The following CNOT3 variants were observed in gnomAD, a reference collection of about 807,000 sequenced individuals.
CNOT3 encodes the protein CCR4-NOT transcription complex subunit 3, also known as CCR4-associated factor 3.
A neutral mutation model predicts 89.4 loss-of-function variants in CNOT3; 2 were observed. The ratio of observed to expected loss-of-function variants is 0.02; its 90% CI spans 0.01 to 0.07. The LOEUF is 0.07. Among genes scored for constraint, CNOT3 ranks in the 10% least tolerant of loss-of-function variants. The pLI is 1.00. For synonymous variants in CNOT3, 486 were observed against 402.0 expected (o/e 1.21, Z -2.50); for missense variants, 664 against 1,010.2 (o/e 0.66, Z 4.65).
chr19:54,152,718 G>A lies in CNOT3; in HGVS notation c.1904+92G>A, dbSNP rs1175196450. 3 of 1,170,794 alleles carry A rather than the reference G, an allele frequency of 2.6e-6. No homozygotes were observed. In the East Asian group the frequency reaches 7.1e-5, roughly 28 times the overall value. 72.5% of individuals were successfully genotyped at this position (1,170,794 alleles called of 1,614,324 possible). On this transcript the variant is annotated intron_variant, in intron 15 of 17. Transcript: ENST00000221232. ...CTGTGAGGCTGTGGGTAGAGCACCA[G>A]GCCCCTGACTTGGGCTCTCCACTGA...
At chr19:54,153,866 C>T (rs200590410) in intron 17 of CNOT3, 26 bp downstream of exon 17, 216 of 1,614,084 alleles carry the variant, frequency 1.3e-4, no homozygotes, top group African/African-American at 1.7e-4. Flanking sequence ...CCTCTCTTCC[C>T]GCTGCTAGGG....
At chr19:54,147,407 G>A (rs909105963) in intron 10 of CNOT3, among the ~76,000 whole-genome samples, 1 of 152,206 alleles carries the variant, frequency 6.6e-6, no homozygotes, top group African/African-American at 2.4e-5. Flanking sequence ...GGGCCAGGAG[G>A]TGATGAGGAG....
At chr19:54,153,662 C>T (rs1326937737) in intron 16 of CNOT3, 53 bp from the exon 17 acceptor site, 4 of 1,438,598 alleles carry the variant, frequency 2.8e-6, no homozygotes, top group African/African-American at 1.4e-5. Context: ...TCCCCTGGCT[C>T]CCCACCCAGT....
Position 54,148,023 on chromosome 19 carries a change from G to T in CNOT3, c.895-125G>T. 1 of 643,952 alleles carries T rather than the reference G, an allele frequency of 1.6e-6. No homozygotes were observed. Among genetic ancestry groups the T allele is most frequent in the South Asian group, 3.0e-5 (1 of 33,868 alleles). 39.9% of individuals were successfully genotyped at this position (643,952 alleles called of 1,614,324 possible). The stretch of plus-strand genomic sequence containing the variant: ...GTCACCCAGGTCCCCAAGAGGGCAG[G>T]AGCAGGTGGGGGCAGCGAGGCCAGA... On this transcript the variant is annotated intron_variant, in intron 10 of 17. Transcript: ENST00000221232. The surrounding 1 kb of genome is among the most constrained non-coding windows in gnomAD (Gnocchi z 6.3).
At chr19:54,141,745 G>A (rs2074457982) in intron 1 of CNOT3, 1 of 152,172 alleles carries the variant, frequency 6.6e-6, no homozygotes, top group South Asian at 2.1e-4. Flanking sequence ...CTACTCCAGG[G>A]TTCCCTGCCC....
At chr19:54,142,131 C>T (rs1456540317) in intron 1 of CNOT3, 1 of 152,214 alleles carries the variant, frequency 6.6e-6, no homozygotes, top group Non-Finnish European at 1.5e-5. Context: ...TCCCTCACAG[C>T]TGCGGTACCT....
At chr19:54,149,050 C>CGCCTG (rs1454987568) in intron 12 of CNOT3, among the ~76,000 whole-genome samples, 2 of 152,230 alleles carry the variant, frequency 1.3e-5, no homozygotes, top group African/African-American at 4.8e-5. Flanking sequence ...AATTGACTGC[C>CGCCTG]ACCGGAGGGT....
At position 54,143,287 on chromosome 19, in the gene CNOT3, T is replaced by G. The variant is rs1235754269; in HGVS notation, c.93+101T>G. ...GTTGACCAGCGGGAGGGGCTACATA[T>G]GCAGATGCTGAGGACCTAAGAGAAT... is the stretch of plus-strand genomic sequence containing the variant. On this transcript the variant is annotated intron_variant, in intron 3 of 17. Transcript: ENST00000221232. The G allele has an allele frequency of 8.0e-6, 9 of 1,119,822 alleles. No homozygotes were observed. The Admixed American group carries it at 1.6e-4, about 20-fold the overall frequency. The allele number at this position is 1,119,822 out of a possible 1,614,324, so 69.4% of individuals were successfully genotyped here. A position where few individuals can be genotyped will look rare whatever the true frequency, so the allele number is the denominator to read the frequency against.
rs912937811 is a variant in CNOT3 at position 54,144,848 on chromosome 19, C to T, written c.483+516C>T. Reference sequence around the variant, plus strand: ...TGTGGGGTATGAGTTCAAAGGGATACAAACTGTACAGACTTGCTGAAACCA... The same window carrying T: ...TGTGGGGTATGAGTTCAAAGGGATATAAACTGTACAGACTTGCTGAAACCA... On this transcript the variant is annotated intron_variant, in intron 7 of 17. Transcript: ENST00000221232. This position sits in a 1 kb window ranked among gnomAD's most constrained non-coding sequence, Gnocchi z 4.8. Among the ~76,000 whole-genome samples the T allele has an allele frequency of 1.6e-4, 25 of 152,174 alleles. No homozygotes were observed. Among genetic ancestry groups the T allele is most frequent in the Non-Finnish European group, 8.8e-5 (6 of 68,008 alleles).
rs2075202091 is a variant in CNOT3 at position 54,152,875 on chromosome 19, T to A, written c.1913T>A (p.Leu638His). Residue 638 changes from leucine (L) to histidine (H), a missense_variant, in exon 16 of 18, where the codon CTC becomes CAC. By Grantham distance (99) the Leu-to-His change is moderately conservative. Around this residue, in one of 8 missense-constraint regions of CNOT3, gnomAD observed 545 missense variants for 566.2 expected, o/e 0.96. Transcript: ENST00000221232. ...PSDSERIRQY[L>H]PRNPCPTPPY... ...TCCTGTTGCTCTCACAGGCAGTACC[T>A]CCCCCGGAACCCCTGTCCGACGCCC... is the stretch of plus-strand genomic sequence containing the variant. 7.0e-7 allele frequency: 1 copy of A among 1,428,820 alleles called. No homozygotes were observed. The allele number at this position is 1,428,820 out of a possible 1,614,324, so 88.5% of individuals were successfully genotyped here. A position where few individuals can be genotyped will look rare whatever the true frequency, so the allele number is the denominator to read the frequency against.
At chr19:54,149,833 C>G in intron 13 of CNOT3, 75 bp downstream of exon 13, 1 of 1,390,414 alleles carries the variant, frequency 7.2e-7, no homozygotes, top group African/African-American at 1.6e-5. Context: ...TCTAGCTGCA[C>G]CCCTTGCCCC....
In CNOT3 at chr19:54,146,128, A is replaced by G. The variant is rs1232151138; in HGVS notation, c.837+85A>G. Reference sequence around the variant, plus strand: ...AAATCTGGGTCACTCCAAAGTGGCTATGGGAGCGTAATTGAGGAAACACAG... The same window carrying G: ...AAATCTGGGTCACTCCAAAGTGGCTGTGGGAGCGTAATTGAGGAAACACAG... On this transcript the variant is annotated intron_variant, in intron 9 of 17. Coordinates refer to ENST00000221232, the MANE Select transcript of CNOT3 (RefSeq NM_014516.4). The G allele has an allele frequency of 6.1e-6, 9 of 1,482,482 alleles. No individual in the cohort carries two copies. The African/African-American group carries it at 1.1e-4, about 18-fold the overall frequency. The allele number at this position is 1,482,482 out of a possible 1,614,324, so 91.8% of individuals were successfully genotyped here.
chr19:54,145,618 C>T lies in CNOT3; in HGVS notation c.504C>T (p.Gly168=), dbSNP rs2074633648. Residue 168 remains glycine (G), a synonymous_variant, in exon 8 of 18, where the codon GGC becomes GGT. Transcript: ENST00000221232. The surrounding 1 kb of genome is among the most constrained non-coding windows in gnomAD (Gnocchi z 5.9). ...GDKDKQDRIE[G]LKRHIEKHRY... ...AGCAGAAGCAGGACCGGATTGAGGG[C>T]TTGAAGCGGCACATCGAGAAGCACC... 1 of 1,613,748 alleles carries T rather than the reference C, an allele frequency of 6.2e-7. No individual in the cohort carries two copies. The highest frequency in any genetic ancestry group is 8.5e-7 in the Non-Finnish European group (1 of 1,179,764).
chr19:54,153,306 G>T (rs2075236733), intron 16 of CNOT3: 2 of 761,420 alleles, frequency 2.6e-6, no homozygotes, highest in Non-Finnish European at 4.8e-6. Flanking sequence ...AGCAGCCCCA[G>T]TCTAGGCCGA....
chr19:54,151,206 A>C (rs1049695078), intron 13 of CNOT3, among the ~76,000 whole-genome samples: 9 of 152,216 alleles, frequency 5.9e-5, no homozygotes, highest in African/African-American at 1.9e-4. Context: ...ACCACCAACA[A>C]CAAAAATGAA....
At chr19:54,154,215 C>T (rs571818570) in intron 17 of CNOT3, 7 of 416,974 alleles carry the variant, frequency 1.7e-5, no homozygotes, top group Admixed American at 6.3e-5. Context: ...CTTGATGGCC[C>T]CCACTTCACC....
Position 54,145,733 on chromosome 19 carries a change from G to A in CNOT3, c.619G>A (p.Val207Ile), listed in dbSNP as rs774229944. ...VDAIRKIKDD[V>I]EYYVDSSQDP... The stretch of plus-strand genomic sequence containing the variant: ...CGCCATCCGCAAGATCAAGGACGAC[G>A]TTGAGTACTATGTTGACTCATCCCA... The change falls in exon 8 of 18, where the codon GTT becomes ATT. Residue 207 changes from valine (V) to isoleucine (I), a missense_variant. Transcript: ENST00000221232. This position sits in a 1 kb window ranked among gnomAD's most constrained non-coding sequence, Gnocchi z 5.9. The A allele has an allele frequency of 6.2e-6, 10 of 1,613,430 alleles. No individual in the cohort carries two copies. Among genetic ancestry groups the A allele is most frequent in the Non-Finnish European group, 7.6e-6 (9 of 1,179,444 alleles).
In CNOT3 at chr19:54,144,059, C is replaced by T; in HGVS notation, c.312C>T (p.Ser104=). The T allele has an allele frequency of 6.2e-7, 1 of 1,600,954 alleles. No homozygotes were observed. The highest frequency in any genetic ancestry group is 1.1e-5 in the South Asian group (1 of 88,948). Residue 104 remains serine, a synonymous_variant, in exon 6 of 18, where the codon AGC becomes AGT. Transcript: ENST00000221232. This position sits in a 1 kb window ranked among gnomAD's most constrained non-coding sequence, Gnocchi z 4.8. ...GAGAGACCAAAACCAAAGCTTACAG[C>T]AAAGAGGGCCTGGGCCTGGCCCAGA... ...VERETKTKAY[S]KEGLGLAQKV...
chr19:54,148,778 C>T lies in CNOT3; in HGVS notation c.1406+35C>T, dbSNP rs767406739. On this transcript the variant is annotated intron_variant, in intron 12 of 17. Transcript: ENST00000221232. The surrounding 1 kb of genome is among the most constrained non-coding windows in gnomAD (Gnocchi z 6.3). ...TCGGCCATCGGCAGGGTTGGGATGG[C>T]AGCCTTTTGAAACAGAGAGGCGCAG... 1.3e-6 allele frequency: 2 copies of T among 1,598,718 alleles called. No individual in the cohort carries two copies. The highest frequency in any genetic ancestry group is 2.7e-5 in the African/African-American group (2 of 74,714).
Sources: allele counts gnomAD v4.1 joint callset (sites outside exome capture counted in the v4.1 genomes callset), GRCh38; gene constraint gnomAD v4.1.1; regional missense constraint gnomAD v4.1.1; non-coding constraint Gnocchi (gnomAD v3.1); transcripts MANE v1.5; gene names NCBI Gene and HGNC (gene_info 2026-07-23, HGNC 2026-07-21).